Variants in CCDC171 observed in about 807,000 individuals in gnomAD.
CCDC171 encodes coiled-coil domain-containing protein 171.
Under a neutral mutation model 168.2 loss-of-function variants are expected in CCDC171, and 177 were observed. The ratio of observed to expected loss-of-function variants is 1.05; its 90% confidence interval spans 0.93 to 1.19. The LOEUF (loss-of-function observed/expected upper bound fraction) is 1.19, where lower values mean the gene tolerates loss of function less well. Ranked by LOEUF, CCDC171 falls within the 50% of genes most tolerant of loss-of-function variation. CCDC171 has a pLI of 0.00. For missense variants in CCDC171, 1,991 were observed against 1,539.0 expected (o/e 1.29, Z -4.91); for synonymous variants, 687 against 540.8 (o/e 1.27, Z -3.75).
chr9:15,816,795 C>A lies in CCDC171; in HGVS notation c.3268-29907C>A, dbSNP rs149952305. ...AGCAGTTATTAAGATAATTTAATAACCTTTTTTAATGAACCATATAATATT... is the reference window on the plus strand; with the variant it reads ...AGCAGTTATTAAGATAATTTAATAAACTTTTTTAATGAACCATATAATATT... On this transcript the variant is annotated intron_variant, in intron 21 of 25. Transcript: ENST00000380701. 3.6e-3 allele frequency among the ~76,000 whole-genome samples: 432 copies of A among 118,382 alleles called. 121 individuals are homozygous for A. Among genetic ancestry groups the A allele is most frequent in the Middle Eastern group, 8.9e-3 (2 of 224 alleles). 77.7% of individuals were successfully genotyped at this position (118,382 alleles called of 152,430 possible).
intron 25 of CCDC171, among the ~76,000 whole-genome samples, chr9:15,931,456 C>CTTTTTTTTTTTTTTTTTTTTT (rs57124025): frequency 3.6e-4 from 16 of 44,996 alleles, no homozygotes; most frequent in Non-Finnish European, 4.7e-4. Flanking sequence ...TTCTTTCTTT[C>CTTTTTTTTTTTTTTTTTTTTT]TTTTTTTTTT....
chr9:15,928,989 T>C (rs1471168384), intron 25 of CCDC171, among the ~76,000 whole-genome samples: 2 of 151,610 alleles, frequency 1.3e-5, no homozygotes, highest in Non-Finnish European at 3.0e-5. Context: ...ACCCAAATCC[T>C]GATAGTGACT....
At chr9:15,656,928 T>A (rs148278022) in intron 7 of CCDC171, among the ~76,000 whole-genome samples, 199 bp from the exon 8 acceptor site, 6 of 151,744 alleles carry the variant, frequency 4.0e-5, no homozygotes, top group Non-Finnish European at 7.4e-5. Flanking sequence ...TATACCTCTA[T>A]AAAGTGTAAA....
At chr9:16,026,195 G>T (rs896257050) in intron 6 of CCDC171, among the ~76,000 whole-genome samples, 4 of 152,156 alleles carry the variant, frequency 2.6e-5, no homozygotes, top group Non-Finnish European at 5.9e-5. Flanking sequence ...GGAGTCCTCT[G>T]CTTGGTAAAG....
chr9:16,041,294 G>C (rs1833567429), upstream of CCDC171, among the ~76,000 whole-genome samples: 2 of 152,292 alleles, frequency 1.3e-5, no homozygotes, highest in East Asian at 1.9e-4. Flanking sequence ...GGAGCAGGGA[G>C]GCATTTGGGA....
chr9:15,576,950 G>T (rs943428621), intron 3 of CCDC171, among the ~76,000 whole-genome samples: 1 of 152,206 alleles, frequency 6.6e-6, no homozygotes, highest in Non-Finnish European at 1.5e-5. Context: ...GCAAGGAAAG[G>T]CTGGTTACCT....
intron 6 of CCDC171, among the ~76,000 whole-genome samples, chr9:15,602,383 G>T (rs1423358711): frequency 2.7e-5 from 4 of 147,914 alleles, no homozygotes; most frequent in African/African-American, 9.7e-5. Flanking sequence ...TTTTAAATAA[G>T]TTATTTTTAA....
intron 18 of CCDC171, among the ~76,000 whole-genome samples, chr9:15,762,258 C>G (rs1418828203): frequency 6.7e-6 from 1 of 149,420 alleles, no homozygotes; most frequent in East Asian, 2.0e-4. Flanking sequence ...CAAAAAAAAT[C>G]TTCCTTCAAA....
chr9:15,625,375 T>C (rs193188446), intron 7 of CCDC171, among the ~76,000 whole-genome samples: 1 of 152,192 alleles, frequency 6.6e-6, no homozygotes, highest in Non-Finnish European at 1.5e-5. Flanking sequence ...GGTGTTTTAG[T>C]TATGAAGTCC....
At chr9:15,952,587 G>C (rs1428014833) in intron 25 of CCDC171, among the ~76,000 whole-genome samples, 5 of 151,976 alleles carry the variant, frequency 3.3e-5, no homozygotes, top group African/African-American at 1.2e-4. Context: ...AGTAGAGACG[G>C]GGTTTCTCCA....
At chr9:15,655,016 A>T (rs1337929559) in intron 7 of CCDC171, among the ~76,000 whole-genome samples, 2 of 152,102 alleles carry the variant, frequency 1.3e-5, no homozygotes, top group Non-Finnish European at 2.9e-5. Context: ...GGAACATCAC[A>T]CACCGGAGCC....
intron 24 of CCDC171, among the ~76,000 whole-genome samples, chr9:15,906,470 C>T (rs1822626528): frequency 6.6e-6 from 1 of 152,166 alleles, no homozygotes; most frequent in Non-Finnish European, 1.5e-5. Flanking sequence ...CAAAATTGGA[C>T]AACGCTTCAT....
the CCDC171 span, among the ~76,000 whole-genome samples, chr9:16,102,498 C>T: frequency 0.079 from 1,354 of 17,182 alleles, 28 homozygotes; most frequent in Admixed American, 0.23. Context: ...TGGGGGGGGG[C>T]GGGGGTGGGG....
At chr9:15,994,363 A>G (rs894524148) in intron 3 of CCDC171, among the ~76,000 whole-genome samples, 3 of 152,068 alleles carry the variant, frequency 2.0e-5, no homozygotes, top group Admixed American at 6.6e-5. Context: ...GCATGTTCTC[A>G]CTCATAGGTG....
chr9:15,840,487 A>C (rs2060633074), intron 21 of CCDC171, among the ~76,000 whole-genome samples: 3 of 152,084 alleles, frequency 2.0e-5, no homozygotes, highest in Admixed American at 2.0e-4. Context: ...GCCCATGTGT[A>C]TTCTGTCCCC....
the CCDC171 span, among the ~76,000 whole-genome samples, chr9:16,089,668 C>G: frequency 6.6e-6 from 1 of 151,554 alleles, no homozygotes; most frequent in Admixed American, 6.6e-5. Flanking sequence ...TGTCAGAAAA[C>G]TTTTGCAATC....
rs1167135764 is a variant in CCDC171, at chr9:15,784,640, A to G, written c.3213A>G (p.Glu1071=). 5 of 1,613,468 alleles carry G rather than the reference A, an allele frequency of 3.1e-6. No homozygotes were observed. Among genetic ancestry groups the G allele is most frequent in the Non-Finnish European group, 4.2e-6 (5 of 1,179,620 alleles). Reference sequence around the variant, plus strand: ...TACAGGAATTGAATTATAAACTTGAATTGCACTCCAGTGAGGAAGCTGACA... The same window carrying G: ...TACAGGAATTGAATTATAAACTTGAGTTGCACTCCAGTGAGGAAGCTGACA... ...QQLQELNYKL[E]LHSSEEADKN... is the part of the protein sequence containing the mutation. Residue 1071 remains glutamate (E), a synonymous_variant, in exon 21 of 26, where the codon GAA becomes GAG. Transcript: ENST00000380701.
At chr9:15,563,683 ACCTCTGT>A (rs778768575) in intron 1 of CCDC171, among the ~76,000 whole-genome samples, 5 of 151,784 alleles carry the variant, frequency 3.3e-5, no homozygotes, top group African/African-American at 9.7e-5. Context: ...CAAAATTTCA[ACCTCTGT>A]CCTAGGTCAG....
Position 15,846,688 on chromosome 9 carries a change from C to G in CCDC171, c.3268-14C>G, listed in dbSNP as rs1588825584. Reference sequence around the variant, plus strand: ...CAGGGCTGACAAGTAACTCTGTTTTCTGTCTGCTTGCAGAGTCTCTCCGAG... The same window carrying G: ...CAGGGCTGACAAGTAACTCTGTTTTGTGTCTGCTTGCAGAGTCTCTCCGAG... On this transcript the variant is annotated splice_polypyrimidine_tract_variant and intron_variant, in intron 21 of 25. Coordinates refer to ENST00000380701, the MANE Select transcript of CCDC171 (RefSeq NM_173550.4). 1 of 1,611,854 alleles carries G rather than the reference C, an allele frequency of 6.2e-7. No homozygotes were observed. Among genetic ancestry groups the G allele is most frequent in the Non-Finnish European group, 8.5e-7 (1 of 1,178,726 alleles).
Sources: gnomAD v4.1 joint callset for allele counts (sites outside exome capture counted in the v4.1 genomes callset) on GRCh38, gnomAD v4.1.1 for gene constraint, MANE v1.5 for transcripts, NCBI Gene and HGNC (gene_info 2026-07-23, HGNC 2026-07-21) for gene names.